TRPT1: variants seen among roughly 807,000 people sequenced by gnomAD.
The protein encoded by TRPT1 is tRNA phosphotransferase 1.
Under a neutral mutation model 28.4 loss-of-function variants are expected in TRPT1, and 22 were observed. The ratio of observed to expected loss-of-function variants is 0.78; its 90% CI spans 0.55 to 1.11. TRPT1 has a LOEUF of 1.11. Among genes scored for constraint, TRPT1 ranks in the 50% least tolerant of loss-of-function variants. The probability of loss-of-function intolerance (pLI) is 0.00; values close to 1 mark genes in which losing one functional copy is unlikely to be tolerated. For missense variants in TRPT1, 308 were observed against 317.7 expected, an observed-to-expected ratio of 0.97 and a Z score of 0.23; for synonymous variants, 137 against 132.4, an observed-to-expected ratio of 1.03 and a Z score of -0.24.
chr11:64,225,653 A>G, intron 2 of TRPT1, 73 bp from the exon 3 acceptor site: 1 of 1,478,940 alleles, frequency 6.8e-7, no homozygotes. Context: ...ACCCTCAATG[A>G]CCCACTGCAG....
chr11:64,223,991 G>C (rs532887950), intron 7 of TRPT1, 24 bp from the exon 8 acceptor site: 3 of 1,605,224 alleles, frequency 1.9e-6, no homozygotes, highest in African/African-American at 1.3e-5. Flanking sequence ...GAGTTGGTTA[G>C]AGAAAGGGAC....
rs185899452 is a variant in TRPT1, at chr11:64,225,227, C to T, written c.158-257G>A. On this transcript the variant is annotated intron_variant, in intron 3 of 7. Transcript: ENST00000317459. Reference sequence around the variant, plus strand: ...GAGTGCACACTCACACCACCAGCTGCACCGTATCCTCCAGGGCTCGCCCTC... The same window carrying T: ...GAGTGCACACTCACACCACCAGCTGTACCGTATCCTCCAGGGCTCGCCCTC... 1,423 of 611,072 alleles carry T rather than the reference C, an allele frequency of 2.3e-3. 18 individuals carry two copies. The highest frequency in any genetic ancestry group is 0.023 in the South Asian group (1,140 of 50,050). 37.9% of individuals were successfully genotyped at this position (611,072 alleles called of 1,614,324 possible).
intron 1 of TRPT1, 70 bp downstream of exon 1, chr11:64,225,980 C>A: frequency 1.5e-6 from 1 of 665,662 alleles, no homozygotes; most frequent in Non-Finnish European, 2.7e-6. Flanking sequence ...GAGTATACGG[C>A]TCATTAAGTT....
Position 64,223,934 on chromosome 11 carries a change from G to C in TRPT1, c.704C>G (p.Thr235Arg). The C allele has an allele frequency of 1.2e-6, 2 of 1,613,976 alleles. No homozygotes were observed. Among genetic ancestry groups the C allele is most frequent in the Non-Finnish European group, 1.7e-6 (2 of 1,179,874 alleles). The change falls in exon 8 of 8, where the codon ACA becomes AGA. Residue 235 changes from threonine to arginine, a missense_variant. Physicochemically the swap from Thr to Arg is moderately conservative, Grantham distance 71 (BLOSUM62 -1). Transcript: ENST00000317459. The stretch of plus-strand genomic sequence containing the variant: ...GTGCTTGGGGCTACTCTGACACTCT[G>C]TCTCTTCATCACCAGCCAAGGAAAG... ...KPLSLAGDEE[T>R]ECQSSPKHSS...
intron 1 of TRPT1, 61 bp from the exon 2 acceptor site, chr11:64,225,930 C>T: frequency 9.8e-7 from 1 of 1,022,066 alleles, no homozygotes. Flanking sequence ...CCCATCCCTC[C>T]CAGAAAGTCA....
At chr11:64,224,429 G>C (rs1231686717) in intron 5 of TRPT1, 88 bp from the exon 6 acceptor site, 2 of 1,601,758 alleles carry the variant, frequency 1.2e-6, no homozygotes, top group African/African-American at 2.7e-5. Flanking sequence ...GGGGATGCAG[G>C]GGTGCTGCTC....
intron 5 of TRPT1, 74 bp downstream of exon 5, chr11:64,224,469 G>A (rs1565302900): frequency 1.9e-5 from 30 of 1,585,964 alleles, no homozygotes; most frequent in Non-Finnish European, 1.8e-5. Flanking sequence ...CCCCAGACAA[G>A]TGTTGTAACC....
Position 64,225,842 on chromosome 11 carries a change from C to G in TRPT1, c.19G>C (p.Gly7Arg). 1 of 1,555,584 alleles carries G rather than the reference C, an allele frequency of 6.4e-7. No individual in the cohort carries two copies. The highest frequency in any genetic ancestry group is 8.7e-7 in the Non-Finnish European group (1 of 1,148,726). The stretch of plus-strand genomic sequence containing the variant: ...CTGGACCCTGCTGCTTCCTGCCTCC[C>G]TCCTCCAGAGAAGTTCATGGTTAAG... The part of the protein sequence containing the change: MNFSGG[G>R]RQEAAGSRGR... Residue 7 changes from glycine to arginine, a missense_variant, in exon 2 of 8, where the codon GGG (glycine) becomes CGG (arginine). Physicochemically the swap from Gly to Arg is moderately radical, Grantham distance 125 (BLOSUM62 -2). Coordinates refer to ENST00000317459, the MANE Select transcript of TRPT1 (RefSeq NM_001033678.4).
chr11:64,226,229 A>T, upstream of TRPT1: 1 of 343,448 alleles, frequency 2.9e-6, no homozygotes, highest in Non-Finnish European at 4.8e-6. Flanking sequence ...GCCAATGAAA[A>T]GCCGCGTGGA....
Position 64,225,600 on chromosome 11 carries a change from GCC to G in TRPT1, c.76-22_76-21del. On this transcript the variant is annotated intron_variant, in intron 2 of 7. Transcript: ENST00000317459. ...TCGGTCCTGAAAGAACCCAGCGGTG[GCC>G]CCTAGTCTCCATGGTGACCCTGCCC... is the stretch of plus-strand genomic sequence containing the variant. 1 of 1,600,642 alleles carries G rather than the reference GCC, an allele frequency of 6.2e-7. No homozygotes were observed. The highest frequency in any genetic ancestry group is 8.5e-7 in the Non-Finnish European group (1 of 1,173,596).
At chr11:64,225,029 A>G (rs1191467423) in intron 3 of TRPT1, 59 bp from the exon 4 acceptor site, 7 of 1,503,132 alleles carry the variant, frequency 4.7e-6, no homozygotes, top group Non-Finnish European at 6.2e-6. Flanking sequence ...CAGGGTTAAC[A>G]GGGAGCCACA....
chr11:64,225,393 C>A, intron 3 of TRPT1, 106 bp downstream of exon 3: 1 of 907,422 alleles, frequency 1.1e-6, no homozygotes, highest in Non-Finnish European at 1.7e-6. Flanking sequence ...GAAGTGCACT[C>A]TGTGCCTTCC....
At chr11:64,225,019 C>A in intron 3 of TRPT1, 49 bp from the exon 4 acceptor site, 1 of 1,516,824 alleles carries the variant, frequency 6.6e-7, no homozygotes, top group Admixed American at 2.0e-5. Flanking sequence ...TGGACTGGGC[C>A]AGGGTTAACA....
downstream of TRPT1, chr11:64,223,814 C>T (rs1946784945): frequency 8.3e-7 from 1 of 1,205,230 alleles, no homozygotes; most frequent in African/African-American, 1.5e-5. Flanking sequence ...GATGATGAAA[C>T]ATGGTTTCAA....
At position 64,226,024 on chromosome 11, in the gene TRPT1, A is replaced by C. The variant is rs1383121194; in HGVS notation, c.-10+26T>G. ...CCAAGTCCCTGCTGCAGAGAGGGAA[A>C]CTAAGGCCCAGCAGGCCAGACTTGC... On this transcript the variant is annotated intron_variant, in intron 1 of 7. Transcript: ENST00000317459. 4 of 600,034 alleles carry C rather than the reference A, an allele frequency of 6.7e-6. No individual in the cohort carries two copies. In the Admixed American group the frequency reaches 1.2e-4, roughly 18 times the overall value. 37.2% of individuals were successfully genotyped at this position (600,034 alleles called of 1,614,324 possible).
chr11:64,224,702 G>A lies in TRPT1; in HGVS notation c.343C>T (p.Leu115=), dbSNP rs1377622093. 21 of 1,596,938 alleles carry A rather than the reference G, an allele frequency of 1.3e-5. No homozygotes were observed. Among genetic ancestry groups the A allele is most frequent in the Non-Finnish European group, 1.6e-5 (19 of 1,169,960 alleles). The part of the protein sequence containing the change: ...GHSLQVPKLE[L]MPLETPQALP... Reference sequence around the variant, plus strand: ...GCCTGCGGTGTCTCCAGGGGCATCAGCTCCAACTTAGGTACCTGGTTGAAC... The same window carrying A: ...GCCTGCGGTGTCTCCAGGGGCATCAACTCCAACTTAGGTACCTGGTTGAAC... The change falls in exon 5 of 8, where the codon CTG becomes TTG. Residue 115 remains leucine, a synonymous_variant. Coordinates refer to ENST00000317459, the MANE Select transcript of TRPT1 (RefSeq NM_001033678.4).
At position 64,223,979 on chromosome 11, in the gene TRPT1, A is replaced by G. The variant is rs1340028915; in HGVS notation, c.671-12T>C. 12 of 1,611,652 alleles carry G rather than the reference A, an allele frequency of 7.4e-6. No homozygotes were observed. The highest frequency in any genetic ancestry group is 2.2e-5 in the East Asian group (1 of 44,874). ...GGAAAGGGGCTTTCCTGATAAAGAC[A>G]AGAGTTGGTTAGAGAAAGGGACACC... On this transcript the variant is annotated splice_polypyrimidine_tract_variant and intron_variant, in intron 7 of 7. Transcript: ENST00000317459.
chr11:64,224,724 G>A lies in TRPT1; in HGVS notation c.328-7C>T, dbSNP rs772235738. 1 of 1,598,338 alleles carries A rather than the reference G, an allele frequency of 6.3e-7. No homozygotes were observed. The highest frequency in any genetic ancestry group is 1.1e-5 in the South Asian group (1 of 89,050). On this transcript the variant is annotated splice_polypyrimidine_tract_variant and splice_region_variant and intron_variant, in intron 4 of 7. Coordinates refer to ENST00000317459, the MANE Select transcript of TRPT1 (RefSeq NM_001033678.4). ...TCAGCTCCAACTTAGGTACCTGGTT[G>A]AACGGGTAGCAGTGAGACCCCCTTC...
chr11:64,225,669 G>T, intron 2 of TRPT1, 89 bp from the exon 3 acceptor site: 1 of 1,433,220 alleles, frequency 7.0e-7, no homozygotes, highest in Non-Finnish European at 9.6e-7. Flanking sequence ...TGCAGAGAGA[G>T]CCCAGAGAGA....
Sources: gnomAD v4.1 joint callset for allele counts on GRCh38, gnomAD v4.1.1 for gene constraint, MANE v1.5 for transcripts, NCBI Gene and HGNC (gene_info 2026-07-23, HGNC 2026-07-21) for gene names.